USP26: variants seen among roughly 807,000 people sequenced by gnomAD.
The protein encoded by USP26 is ubiquitin carboxyl-terminal hydrolase 26.
For missense variants in USP26, 649 were observed against 642.3 expected (o/e 1.01, Z -0.11); for synonymous variants, 236 against 240.6 (o/e 0.98, Z 0.18).
intron 5 of USP26, among the ~76,000 whole-genome samples, chrX:133,060,524 G>A (rs1467058018): frequency 9.0e-6 from 1 of 111,335 alleles, no homozygotes; most frequent in East Asian, 2.8e-4. Flanking sequence ...TTTAGAAATT[G>A]GGTACTATAT....
intron 1 of USP26, among the ~76,000 whole-genome samples, chrX:133,096,201 A>G (rs929365146): frequency 1.8e-5 from 2 of 108,428 alleles, no homozygotes; most frequent in Admixed American, 2.0e-4. Flanking sequence ...GAGGCAGAGC[A>G]TCCATATTGT....
In USP26 at chrX:133,025,920, C is replaced by G. The variant is rs1340704107; in HGVS notation, c.2301G>C (p.Gly767=). The G allele has an allele frequency of 6.6e-6, 8 of 1,210,921 alleles. No individual in the cohort carries two copies. The highest frequency in any genetic ancestry group is 8.9e-6 in the Non-Finnish European group (8 of 895,333). Residue 767 remains glycine (G), a synonymous_variant, in exon 6 of 6, where the codon GGG becomes GGC. Transcript: ENST00000511190. ...TAGGTCTTAGGAGGTTCTTTGTGTG[C>G]CCCTGGGTGCCTGGCTTTGGAAAGC... ...PQSFPKPGTQ[G]HTKNLLRPTK...
rs1240710146 is a variant in USP26 at position 133,026,855 on chromosome X, G to A, written c.1366C>T (p.Leu456Phe). 9.1e-6 allele frequency: 11 copies of A among 1,209,172 alleles called. No homozygotes were observed. Among genetic ancestry groups the A allele is most frequent in the Non-Finnish European group, 1.2e-5 (11 of 894,750 alleles). Reference protein sequence around the residue: ...IACKACGQVILKTELNNYLSI... With the variant: ...IACKACGQVIFKTELNNYLSI... ...AGGTAATTATTCAGTTCTGTCTTGA[G>A]AATAACCTGACCACAAGCTTTACAA... Residue 456 changes from leucine (L) to phenylalanine (F), a missense_variant, in exon 6 of 6, where the codon CTC becomes TTC. Transcript: ENST00000511190.
At chrX:133,086,681 G>A (rs1486673419) in intron 4 of USP26, among the ~76,000 whole-genome samples, 1 of 110,572 alleles carries the variant, frequency 9.0e-6, no homozygotes, top group African/African-American at 3.3e-5. Context: ...GGAGGCCAAG[G>A]CGGGCGGATC....
intron 5 of USP26, among the ~76,000 whole-genome samples, chrX:133,043,349 C>T (rs967671095): frequency 8.9e-6 from 1 of 112,318 alleles, no homozygotes; most frequent in Non-Finnish European, 1.9e-5. Flanking sequence ...CACACAGGTC[C>T]TTTTCCCTCA....
chrX:133,042,404 G>C (rs1479028283), intron 5 of USP26, among the ~76,000 whole-genome samples: 1 of 111,506 alleles, frequency 9.0e-6, no homozygotes, highest in African/African-American at 3.3e-5. Context: ...TAGTACCCAG[G>C]CCAGATAGCA....
chrX:133,037,158 A>G (rs765880116), intron 5 of USP26, among the ~76,000 whole-genome samples: 27 of 111,970 alleles, frequency 2.4e-4, no homozygotes, highest in Non-Finnish European at 4.5e-4. Flanking sequence ...TCTTTTGCTG[A>G]GCAGAAGCAC....
intron 5 of USP26, among the ~76,000 whole-genome samples, chrX:133,035,625 AT>A (rs1296909200): frequency 9.0e-6 from 1 of 111,287 alleles, no homozygotes; most frequent in African/African-American, 3.3e-5. Context: ...TATTATTATT[AT>A]TTTTTTCCTG....
chrX:133,066,353 C>T (rs1250326222), intron 5 of USP26, among the ~76,000 whole-genome samples: 1 of 111,816 alleles, frequency 8.9e-6, no homozygotes, highest in Non-Finnish European at 1.9e-5. Flanking sequence ...TTACTTTCTT[C>T]ACAGAACTAC....
chrX:133,094,956 A>G (rs1464507921), intron 1 of USP26, among the ~76,000 whole-genome samples: 1 of 109,702 alleles, frequency 9.1e-6, no homozygotes, highest in African/African-American at 3.3e-5. Context: ...TTAGCTGGGC[A>G]TAGGGGCGGG....
intron 5 of USP26, among the ~76,000 whole-genome samples, chrX:133,033,818 G>C (rs761620614): frequency 8.9e-6 from 1 of 111,999 alleles, no homozygotes; most frequent in Non-Finnish European, 1.9e-5. Context: ...ATCCAAACAT[G>C]AAGCAGTAAA....
In USP26 at chrX:133,024,072, T is replaced by A. The variant is rs1042028872; in HGVS notation, c.*1407A>T. Among the ~76,000 whole-genome samples the A allele has an allele frequency of 4.5e-5, 5 of 111,507 alleles. No homozygotes were observed. Among genetic ancestry groups the A allele is most frequent in the African/African-American group, 1.6e-4 (5 of 30,637 alleles). On this transcript the variant is annotated 3_prime_UTR_variant, in exon 6 of 6. Coordinates refer to ENST00000511190, the MANE Select transcript of USP26 (RefSeq NM_031907.3). ...GGTGGCACATGCTTGATGGCAAAATTATTAAATCCCCTGGATTTTAATGAA... is the reference window on the plus strand; with the variant it reads ...GGTGGCACATGCTTGATGGCAAAATAATTAAATCCCCTGGATTTTAATGAA...
At chrX:133,064,133 G>A (rs2067503690) in intron 5 of USP26, among the ~76,000 whole-genome samples, 1 of 112,065 alleles carries the variant, frequency 8.9e-6, no homozygotes, top group Non-Finnish European at 1.9e-5. Flanking sequence ...AGACAAAGAA[G>A]GGAATTACAT....
intron 5 of USP26, among the ~76,000 whole-genome samples, chrX:133,077,002 G>C (rs1287395540): frequency 1.8e-5 from 2 of 112,302 alleles, no homozygotes; most frequent in Non-Finnish European, 3.8e-5. Flanking sequence ...CCATTTGGAA[G>C]AGTAACCAAT....
At chrX:133,042,985 G>A (rs1332670669) in intron 5 of USP26, among the ~76,000 whole-genome samples, 2 of 111,874 alleles carry the variant, frequency 1.8e-5, no homozygotes, top group Non-Finnish European at 3.8e-5. Context: ...TATCTGGAGT[G>A]CTGACAGGAA....
chrX:133,077,564 A>T (rs918596367), intron 5 of USP26, among the ~76,000 whole-genome samples: 7 of 112,059 alleles, frequency 6.2e-5, no homozygotes, highest in African/African-American at 2.3e-4. Flanking sequence ...GGTTGGCCAG[A>T]TGAGTTTTGC....
chrX:133,056,360 T>C (rs1187594953), intron 5 of USP26, among the ~76,000 whole-genome samples: 2 of 111,199 alleles, frequency 1.8e-5, no homozygotes, highest in Non-Finnish European at 3.8e-5. Flanking sequence ...TTTTCCTTCT[T>C]CCTATCTGTG....
Position 133,090,236 on chromosome X carries a change from G to GAA in USP26, c.-255-12_-255-11dup. 1 of 105,946 alleles carries GAA rather than the reference G, an allele frequency of 9.4e-6. No individual in the cohort carries two copies. The highest frequency in any genetic ancestry group is 2.0e-5 in the Non-Finnish European group (1 of 50,788). The allele number at this position is 105,946 out of a possible 1,213,427, so 8.7% of individuals were successfully genotyped here. A position where few individuals can be genotyped will look rare whatever the true frequency, so the allele number is the denominator to read the frequency against. ...GTAACAGAGTGAGACTCTGTCTCAAGAAAAAAAAAAGAAAGAAAGTTAGTT... is the reference window on the plus strand; with the variant it reads ...GTAACAGAGTGAGACTCTGTCTCAAGAAAAAAAAAAAAGAAAGAAAGTTAGTT... On this transcript the variant is annotated splice_polypyrimidine_tract_variant and intron_variant, in intron 3 of 5. Coordinates refer to ENST00000511190, the MANE Select transcript of USP26 (RefSeq NM_031907.3).
chrX:133,086,992 T>C (rs1386791401), intron 4 of USP26, among the ~76,000 whole-genome samples: 7 of 110,168 alleles, frequency 6.4e-5, no homozygotes, highest in African/African-American at 2.3e-4. Context: ...GACTCACTGA[T>C]TCACCAAGAG....
Sources: gnomAD v4.1 joint callset for allele counts (sites outside exome capture counted in the v4.1 genomes callset) on GRCh38, gnomAD v4.1.1 for gene constraint, MANE v1.5 for transcripts, NCBI Gene and HGNC (gene_info 2026-07-23, HGNC 2026-07-21) for gene names.